The following ROCK1 variants were observed in gnomAD, a reference collection of about 807,000 sequenced individuals.
ROCK1 encodes Rho associated coiled-coil containing protein kinase 1, also known as rho-associated protein kinase 1.
A neutral mutation model predicts 196.8 loss-of-function variants in ROCK1; 36 were observed. The ratio of observed to expected loss-of-function variants is 0.18; its 90% CI spans 0.14 to 0.24. ROCK1 has a LOEUF of 0.24. Among genes scored for constraint, ROCK1 ranks in the 10% least tolerant of loss-of-function variants. ROCK1 has a pLI of 1.00. For synonymous variants in ROCK1, 443 were observed against 515.9 expected (o/e 0.86, Z 1.91); for missense variants, 920 against 1,562.0 (o/e 0.59, Z 6.93).
At chr18:20,980,721 C>T (rs531408388) in intron 21 of ROCK1, among the ~76,000 whole-genome samples, 7 of 151,810 alleles carry the variant, frequency 4.6e-5, no homozygotes, top group South Asian at 2.1e-4. Context: ...TTGAGAGCAT[C>T]CTGGCTAACA....
chr18:21,085,644 G>A (rs1346760317), intron 1 of ROCK1, among the ~76,000 whole-genome samples: 1 of 152,168 alleles, frequency 6.6e-6, no homozygotes, highest in Admixed American at 6.5e-5. Flanking sequence ...ACAGGCTTAA[G>A]ATACCAAGTT....
intron 1 of ROCK1, among the ~76,000 whole-genome samples, chr18:21,078,506 G>A (rs760869446): frequency 6.6e-5 from 10 of 152,094 alleles, no homozygotes; most frequent in South Asian, 2.1e-4. Context: ...AGGAAAGCCC[G>A]GGGCACCTGT....
At chr18:21,028,243 A>C (rs2035977592) in intron 10 of ROCK1, among the ~76,000 whole-genome samples, 1 of 150,690 alleles carries the variant, frequency 6.6e-6, no homozygotes, top group East Asian at 2.0e-4. Flanking sequence ...TGGTGAAACC[A>C]CATCTCTACT....
intron 9 of ROCK1, among the ~76,000 whole-genome samples, chr18:21,031,768 A>G (rs567362544): frequency 1.3e-5 from 2 of 152,116 alleles, no homozygotes; most frequent in Admixed American, 1.3e-4. Context: ...CAAAGAAAAA[A>G]TATCATGAAA....
chr18:21,011,966 CAG>C (rs1469918247), intron 13 of ROCK1, among the ~76,000 whole-genome samples: 2 of 151,702 alleles, frequency 1.3e-5, no homozygotes, highest in African/African-American at 4.8e-5. Context: ...CTTTTGGAGA[CAG>C]AGTCTTGCTG....
chr18:21,040,079 A>G (rs1399496239), intron 8 of ROCK1, among the ~76,000 whole-genome samples: 1 of 152,238 alleles, frequency 6.6e-6, no homozygotes, highest in Non-Finnish European at 1.5e-5. Flanking sequence ...AAACTAAAGA[A>G]TAACTACAAA....
At chr18:20,977,417 C>T (rs1343212679) in intron 22 of ROCK1, among the ~76,000 whole-genome samples, 1 of 152,162 alleles carries the variant, frequency 6.6e-6, no homozygotes, top group Non-Finnish European at 1.5e-5. Flanking sequence ...CCTATATTGT[C>T]CCTTGTTCCC....
intron 1 of ROCK1, among the ~76,000 whole-genome samples, chr18:21,082,501 T>C (rs2036491214): frequency 6.6e-6 from 1 of 152,206 alleles, no homozygotes; most frequent in African/African-American, 2.4e-5. Flanking sequence ...GTGGGATTTA[T>C]GCCAGGAATG....
intron 1 of ROCK1, among the ~76,000 whole-genome samples, chr18:21,089,851 A>C (rs1197021704): frequency 6.6e-6 from 1 of 152,234 alleles, no homozygotes; most frequent in East Asian, 1.9e-4. Context: ...CTTTACACAC[A>C]CCATCATAAA....
At chr18:21,048,619 G>A (rs549818564) in intron 4 of ROCK1, among the ~76,000 whole-genome samples, 3 of 151,978 alleles carry the variant, frequency 2.0e-5, no homozygotes, top group East Asian at 3.9e-4. Context: ...ATGTGAACAC[G>A]GCTCACTATA....
chr18:21,038,148 A>G (rs187728243), intron 9 of ROCK1, among the ~76,000 whole-genome samples: 160 of 152,278 alleles, frequency 1.1e-3, no homozygotes, highest in African/African-American at 3.8e-3. Context: ...AACCTGAATA[A>G]AAACACAAAA....
At chr18:20,961,076 T>C (rs1232790376) in intron 27 of ROCK1, among the ~76,000 whole-genome samples, 2 of 152,182 alleles carry the variant, frequency 1.3e-5, no homozygotes, top group South Asian at 4.1e-4. Context: ...TAATGTCTAC[T>C]AGAAATATCT....
At chr18:21,034,648 C>CA (rs780926382) in intron 9 of ROCK1, among the ~76,000 whole-genome samples, 56 of 152,130 alleles carry the variant, frequency 3.7e-4, no homozygotes, top group Non-Finnish European at 6.8e-4. Flanking sequence ...AATTAATTCA[C>CA]AATGGGTCAA....
chr18:21,056,075 G>A (rs1299955200), intron 2 of ROCK1, among the ~76,000 whole-genome samples: 1 of 152,082 alleles, frequency 6.6e-6, no homozygotes, highest in African/African-American at 2.4e-5. Flanking sequence ...GTTTTCAGTT[G>A]CCTTGGCTGG....
intron 32 of ROCK1, chr18:20,953,252 GAA>G: frequency 5.2e-6 from 1 of 193,254 alleles, no homozygotes; most frequent in Non-Finnish European, 1.0e-5. Flanking sequence ...TTAAAAAACA[GAA>G]AAGATGATGA....
At chr18:21,100,724 C>G (rs1337734789) in intron 1 of ROCK1, among the ~76,000 whole-genome samples, 2 of 152,122 alleles carry the variant, frequency 1.3e-5, no homozygotes, top group Non-Finnish European at 2.9e-5. Context: ...AAGGAGACTG[C>G]ATGTAGGGAG....
At chr18:20,991,465 G>T in intron 17 of ROCK1, 139 bp from the exon 18 acceptor site, 1 of 618,192 alleles carries the variant, frequency 1.6e-6, no homozygotes, top group Non-Finnish European at 2.6e-6. Context: ...AAAAGCAAAA[G>T]ATAATCTTTT....
At chr18:21,063,689 T>G (rs1260496501) in intron 2 of ROCK1, among the ~76,000 whole-genome samples, 1 of 152,192 alleles carries the variant, frequency 6.6e-6, no homozygotes, top group African/African-American at 2.4e-5. Flanking sequence ...GCAACGTAGG[T>G]AACTGTACAT....
chr18:20,982,570 T>C (rs1445432517), intron 21 of ROCK1, among the ~76,000 whole-genome samples, 193 bp downstream of exon 21: 3 of 152,072 alleles, frequency 2.0e-5, no homozygotes, highest in Non-Finnish European at 4.4e-5. Context: ...TTTTACAATT[T>C]AAAAACATAT....
Sources: allele counts gnomAD v4.1 joint callset (sites outside exome capture counted in the v4.1 genomes callset), GRCh38; gene constraint gnomAD v4.1.1; transcripts MANE v1.5; gene names NCBI Gene and HGNC (gene_info 2026-07-23, HGNC 2026-07-21).